MAP3K7CL: variants seen among roughly 807,000 people sequenced by gnomAD.
MAP3K7CL encodes the protein MAP3K7 C-terminal-like protein.
A neutral mutation model predicts 18.6 loss-of-function variants in MAP3K7CL; 16 were observed. That is an observed-to-expected ratio of 0.86 (90% confidence interval 0.58 to 1.31). The LOEUF (loss-of-function observed/expected upper bound fraction) is 1.31. Among genes scored for constraint, MAP3K7CL ranks in the 50% most tolerant of loss-of-function variants. MAP3K7CL has a pLI of 0.00. For missense variants in MAP3K7CL, 163 were observed against 174.4 expected (o/e 0.93, Z 0.37); for synonymous variants, 65 against 66.8 (o/e 0.97, Z 0.13).
intron 4 of MAP3K7CL, among the ~76,000 whole-genome samples, chr21:29,100,762 G>C (rs1391211374): frequency 7.2e-6 from 1 of 138,446 alleles, no homozygotes; most frequent in Non-Finnish European, 1.5e-5. Context: ...ACCCAGGCTG[G>C]AGTGCAATGG....
upstream of MAP3K7CL, chr21:29,128,305 A>AT (rs537659012): frequency 0.21 from 30,210 of 145,254 alleles, 3,506 homozygotes; most frequent in East Asian, 0.4. Context: ...TTTCAATTAA[A>AT]TTTTTTTTTT....
chr21:29,155,484 A>G (rs934835278), intron 3 of MAP3K7CL, among the ~76,000 whole-genome samples: 3 of 152,110 alleles, frequency 2.0e-5, no homozygotes, highest in Non-Finnish European at 4.4e-5. Context: ...GTCCTTCCCC[A>G]TGGGGTCTGT....
intron 1 of MAP3K7CL, among the ~76,000 whole-genome samples, chr21:29,090,355 C>A (rs2086002118): frequency 6.6e-6 from 1 of 152,018 alleles, no homozygotes; most frequent in African/African-American, 2.4e-5. Flanking sequence ...GTAGGGAATG[C>A]AATCTCTATT....
intron 2 of MAP3K7CL, among the ~76,000 whole-genome samples, chr21:29,146,666 A>G (rs1274798705): frequency 6.6e-6 from 1 of 152,216 alleles, no homozygotes; most frequent in East Asian, 1.9e-4. Context: ...AAGTTAAGTG[A>G]TATCACTGAA....
At chr21:29,105,280 C>T (rs973543105) in intron 4 of MAP3K7CL, among the ~76,000 whole-genome samples, 1 of 152,188 alleles carries the variant, frequency 6.6e-6, no homozygotes, top group Admixed American at 6.5e-5. Context: ...TACAGGTGAT[C>T]GTTCATTCTC....
intron 4 of MAP3K7CL, among the ~76,000 whole-genome samples, chr21:29,162,153 A>G (rs1407191974): frequency 6.6e-6 from 1 of 152,102 alleles, no homozygotes; most frequent in East Asian, 1.9e-4. Context: ...GTCAAAGAAG[A>G]TCTATATGAC....
chr21:29,092,519 G>A lies in MAP3K7CL; in HGVS notation c.308G>A (p.Trp103Ter), dbSNP rs1601134375. ...GTCAGCAAGTTGGCTACTGGCGATT[G>A]GATGCTCACTCTGAAGCCAAAGTCT... Residue 103 changes from tryptophan to a stop codon, truncating the protein, a stop_gained, in exon 4 of 7, where the codon TGG (tryptophan) becomes TAG (stop). Coordinates refer to the MAP3K7CL transcript ENST00000286791. LOFTEE classifies it high-confidence loss of function. 5 of 1,614,198 alleles carry A rather than the reference G, an allele frequency of 3.1e-6. No homozygotes were observed. The highest frequency in any genetic ancestry group is 1.3e-5 in the African/African-American group (1 of 75,040).
intron 3 of MAP3K7CL, among the ~76,000 whole-genome samples, chr21:29,149,639 C>T (rs1020819502): frequency 1.3e-5 from 2 of 152,196 alleles, no homozygotes; most frequent in African/African-American, 4.8e-5. Flanking sequence ...TTTGCCAAGA[C>T]TTTGGAATAA....
Position 29,159,802 on chromosome 21 carries a change from G to C in MAP3K7CL, c.133-139G>C, listed in dbSNP as rs2087497882. 3 of 615,046 alleles carry C rather than the reference G, an allele frequency of 4.9e-6. No individual in the cohort carries two copies. In the East Asian group the frequency reaches 8.4e-5, roughly 17 times the overall value. The allele number at this position is 615,046 out of a possible 1,614,324, so 38.1% of individuals were successfully genotyped here. On this transcript the variant is annotated intron_variant, in intron 3 of 4. Transcript: ENST00000399928. ...AATCAGCTGAACTCTGTTGAATGTT[G>C]ACTGACAATGCTGTTCTCACGTTAA...
intron 2 of MAP3K7CL, among the ~76,000 whole-genome samples, chr21:29,138,357 A>G (rs1424433194): frequency 6.6e-6 from 1 of 152,246 alleles, no homozygotes; most frequent in African/African-American, 2.4e-5. Flanking sequence ...AACTTCCTAA[A>G]CTGGAAACTT....
At position 29,174,743 on chromosome 21, in the gene MAP3K7CL, G is replaced by A; in HGVS notation, c.280G>A (p.Glu94Lys). ...GCTCATTGCCAAGTTAGATCAGGCAGAAAAGGAGAAGGTGGATGCTGCTGA... is the reference window on the plus strand; with the variant it reads ...GCTCATTGCCAAGTTAGATCAGGCAAAAAAGGAGAAGGTGGATGCTGCTGA... ...KELIAKLDQA[E>K]KEKVDAAELV... Residue 94 changes from glutamate (E) to lysine (K), a missense_variant, in exon 5 of 5, where the codon GAA becomes AAA. Physicochemically the swap from Glu to Lys is moderately conservative, Grantham distance 56. Transcript: ENST00000399928. 1.2e-6 allele frequency: 2 copies of A among 1,614,176 alleles called. No homozygotes were observed. Among genetic ancestry groups the A allele is most frequent in the South Asian group, 1.1e-5 (1 of 91,080 alleles).
At chr21:29,160,816 A>C (rs2087529190) in intron 4 of MAP3K7CL, among the ~76,000 whole-genome samples, 1 of 152,220 alleles carries the variant, frequency 6.6e-6, no homozygotes, top group Non-Finnish European at 1.5e-5. Context: ...CCATAAAAGC[A>C]CTGATAGTCA....
At chr21:29,136,142 C>G (rs2086880249) in intron 2 of MAP3K7CL, among the ~76,000 whole-genome samples, 1 of 152,170 alleles carries the variant, frequency 6.6e-6, no homozygotes, top group Non-Finnish European at 1.5e-5. Context: ...TGCAAGATTT[C>G]AAAGAATAGT....
chr21:29,161,297 G>T (rs1032922009), intron 4 of MAP3K7CL, among the ~76,000 whole-genome samples: 1 of 152,140 alleles, frequency 6.6e-6, no homozygotes, highest in Non-Finnish European at 1.5e-5. Context: ...GGGCAACAGA[G>T]TGAGACTCTA....
rs202023471 is a variant in MAP3K7CL at position 29,153,051 on chromosome 21, GTTGTT to G, written c.132+3805_132+3809del. Among the ~76,000 whole-genome samples the G allele has an allele frequency of 5.2e-3, 795 of 152,214 alleles. 5 individuals are homozygous for G. The highest frequency in any genetic ancestry group is 0.018 in the African/African-American group (759 of 41,538). On this transcript the variant is annotated intron_variant, in intron 3 of 4. Transcript: ENST00000399928. ...CTAATTTGACCCCCAGGATTTTTCTGTTGTTTTGCCAAGAATGTGGACAAGTTTGA... is the reference window on the plus strand; with the variant it reads ...CTAATTTGACCCCCAGGATTTTTCTGTTGCCAAGAATGTGGACAAGTTTGA...
intron 2 of MAP3K7CL, among the ~76,000 whole-genome samples, chr21:29,141,518 GAA>G (rs57784163): frequency 1.1e-4 from 11 of 102,546 alleles, no homozygotes; most frequent in Admixed American, 3.7e-4. Context: ...ATCTCAAAAA[GAA>G]AAAAAAAAAA....
chr21:29,170,142 T>C (rs1331405322), intron 4 of MAP3K7CL, among the ~76,000 whole-genome samples: 1 of 152,256 alleles, frequency 6.6e-6, no homozygotes, highest in Admixed American at 6.5e-5. Flanking sequence ...GGTTTAATTA[T>C]GAATTGCTAA....
Position 29,174,850 on chromosome 21 carries a change from G to A in MAP3K7CL, c.387G>A (p.Glu129=), listed in dbSNP as rs773322190. 2 of 1,614,140 alleles carry A rather than the reference G, an allele frequency of 1.2e-6. No homozygotes were observed. ...AGTCTCAATGTGTGGAACAACTGGA[G>A]AAACTTCGAATACAGTATCAGAAGA... ...LAQSQCVEQL[E]KLRIQYQKRQ... Residue 129 remains glutamate (E), a synonymous_variant, in exon 5 of 5, where the codon GAG becomes GAA. Transcript: ENST00000399928.
chr21:29,109,811 T>G, intron 4 of MAP3K7CL: 1 of 984,190 alleles, frequency 1.0e-6, no homozygotes. Context: ...CTGCTGCTGC[T>G]TCTTATATAT....
Sources: gnomAD v4.1 joint callset for allele counts (sites outside exome capture counted in the v4.1 genomes callset) on GRCh38, gnomAD v4.1.1 for gene constraint, MANE v1.5 for transcripts, NCBI Gene and HGNC (gene_info 2026-07-23, HGNC 2026-07-21) for gene names.